The following CTNNA2 variants were observed in gnomAD, a reference collection of about 807,000 sequenced individuals.
The protein encoded by CTNNA2 is catenin alpha 2, also known as catenin alpha-2.
CTNNA2 carries 42 observed loss-of-function variants against 101.0 expected under a neutral mutation model. That is an observed-to-expected ratio of 0.42 (90% CI 0.32 to 0.54). The LOEUF (loss-of-function observed/expected upper bound fraction) is 0.54, where lower values mean the gene tolerates loss of function less well. Ranked by LOEUF, CTNNA2 falls within the 20% of genes least tolerant of loss-of-function variation. The probability of loss-of-function intolerance (pLI) is 0.14; values close to 1 mark genes in which losing one functional copy is unlikely to be tolerated. For synonymous variants in CTNNA2, 450 were observed against 456.4 expected (o/e 0.99, Z 0.18); for missense variants, 871 against 1,223.1 (o/e 0.71, Z 4.29).
intron 11 of CTNNA2, among the ~76,000 whole-genome samples, chr2:80,549,558 T>C (rs1044048681): frequency 2.6e-5 from 4 of 152,190 alleles, no homozygotes; most frequent in African/African-American, 9.7e-5. Context: ...TCATGACATG[T>C]TTAAATACCA....
In CTNNA2 at chr2:79,642,167, A is replaced by G. The variant is rs557750820; in HGVS notation, c.-5-9385A>G. 1.9e-4 allele frequency among the ~76,000 whole-genome samples: 29 copies of G among 152,350 alleles called. 1 individual carries two copies. In the South Asian group the frequency reaches 4.8e-3, roughly 25 times the overall value. ...ATGCTTTGACATTGAGTATTATTACAGTAATATTTTCAAATTATTACAATG... is the reference window on the plus strand; with the variant it reads ...ATGCTTTGACATTGAGTATTATTACGGTAATATTTTCAAATTATTACAATG... On this transcript the variant is annotated intron_variant, in intron 1 of 18. Coordinates refer to ENST00000402739, the MANE Select transcript of CTNNA2 (RefSeq NM_001282597.3).
intron 2 of CTNNA2, among the ~76,000 whole-genome samples, chr2:79,238,089 T>C (rs1674579733): frequency 6.6e-6 from 1 of 152,238 alleles, no homozygotes; most frequent in Non-Finnish European, 1.5e-5. Flanking sequence ...CTCACTATGC[T>C]TAATCATTTT....
chr2:80,147,313 G>A, intron 7 of CTNNA2, among the ~76,000 whole-genome samples: 1 of 152,028 alleles, frequency 6.6e-6, no homozygotes. Context: ...TGTTAGCCAG[G>A]CTGGTTTTGA....
chr2:79,489,774 C>T (rs1671191817), intron 4 of CTNNA2, among the ~76,000 whole-genome samples: 1 of 152,110 alleles, frequency 6.6e-6, no homozygotes, highest in Non-Finnish European at 1.5e-5. Context: ...TAGTATAACG[C>T]AATTTCTCAA....
chr2:79,542,099 C>T (rs1287221501), intron 1 of CTNNA2, among the ~76,000 whole-genome samples: 1 of 151,792 alleles, frequency 6.6e-6, no homozygotes, highest in East Asian at 1.9e-4. Flanking sequence ...TGAAATGTGC[C>T]GAACCTTTTA....
chr2:80,510,833 G>C (rs941759295), intron 9 of CTNNA2, among the ~76,000 whole-genome samples: 1 of 152,122 alleles, frequency 6.6e-6, no homozygotes. Context: ...AAATGGTCAC[G>C]TGTGTCCTCT....
At chr2:80,367,191 C>T (rs1173751353) in intron 7 of CTNNA2, among the ~76,000 whole-genome samples, 6 of 151,974 alleles carry the variant, frequency 3.9e-5, no homozygotes, top group Non-Finnish European at 8.8e-5. Context: ...TTTCACATTG[C>T]GTAGAAAAAC....
chr2:79,203,515 A>C (rs999784718), intron 2 of CTNNA2, among the ~76,000 whole-genome samples: 1 of 152,236 alleles, frequency 6.6e-6, no homozygotes, highest in African/African-American at 2.4e-5. Flanking sequence ...CACAGTTTGC[A>C]TATCCATCAG....
chr2:79,936,082 C>T (rs1008904641), intron 7 of CTNNA2, among the ~76,000 whole-genome samples: 1 of 152,090 alleles, frequency 6.6e-6, no homozygotes, highest in African/African-American at 2.4e-5. Context: ...TCTAATAAGA[C>T]ATCAGAGTCA....
At chr2:79,424,921 T>A (rs1678577560) in intron 4 of CTNNA2, among the ~76,000 whole-genome samples, 1 of 152,150 alleles carries the variant, frequency 6.6e-6, no homozygotes, top group African/African-American at 2.4e-5. Context: ...TTGGTCAGCT[T>A]TAGTGAAATG....
chr2:79,763,873 T>C (rs2105100454), intron 3 of CTNNA2, among the ~76,000 whole-genome samples: 1 of 152,354 alleles, frequency 6.6e-6, no homozygotes, highest in East Asian at 1.9e-4. Flanking sequence ...TTCTGTGCTG[T>C]TTAATACGAA....
chr2:80,256,215 C>T (rs962063069), intron 7 of CTNNA2, among the ~76,000 whole-genome samples: 1 of 152,034 alleles, frequency 6.6e-6, no homozygotes, highest in African/African-American at 2.4e-5. Context: ...CTCAGCCATA[C>T]CATGTGAATT....
At chr2:79,320,985 A>G (rs944031848) in intron 3 of CTNNA2, among the ~76,000 whole-genome samples, 2 of 152,194 alleles carry the variant, frequency 1.3e-5, no homozygotes, top group Non-Finnish European at 2.9e-5. Flanking sequence ...ACTGATTCTA[A>G]AAGTATCCTA....
intron 1 of CTNNA2, among the ~76,000 whole-genome samples, chr2:79,638,390 G>A (rs1160322697): frequency 6.6e-6 from 1 of 152,146 alleles, no homozygotes; most frequent in Non-Finnish European, 1.5e-5. Context: ...ATGATTTTCT[G>A]TATCAAAAGC....
chr2:79,229,318 G>A (rs1674460837), intron 2 of CTNNA2, among the ~76,000 whole-genome samples: 1 of 152,130 alleles, frequency 6.6e-6, no homozygotes, highest in East Asian at 1.9e-4. Flanking sequence ...GTTGTGGGAG[G>A]GACCCAGTGG....
At chr2:80,485,625 G>T (rs1032934190) in intron 9 of CTNNA2, among the ~76,000 whole-genome samples, 1 of 152,108 alleles carries the variant, frequency 6.6e-6, no homozygotes, top group African/African-American at 2.4e-5. Context: ...TGGAAGCAAG[G>T]TTTTAACCTT....
chr2:79,499,849 A>G lies in CTNNA2; in HGVS notation c.-134-5205A>G, dbSNP rs144721510. Among the ~76,000 whole-genome samples, 189 of 152,336 alleles carry G rather than the reference A, an allele frequency of 1.2e-3. 3 individuals carry two copies. In the South Asian group the frequency reaches 0.03, roughly 25 times the overall value. On this transcript the variant is annotated intron_variant, in intron 4 of 21. Coordinates refer to the CTNNA2 transcript ENST00000466387. Reference sequence around the variant, plus strand: ...AATATGATTTGTGTGTATATATAGAAAAAGATTTATTGTAAGTAATTGACT... The same window carrying G: ...AATATGATTTGTGTGTATATATAGAGAAAGATTTATTGTAAGTAATTGACT...
At chr2:80,582,677 G>A (rs1288595836) in intron 14 of CTNNA2, among the ~76,000 whole-genome samples, 1 of 152,212 alleles carries the variant, frequency 6.6e-6, no homozygotes, top group Middle Eastern at 3.4e-3. Flanking sequence ...AGTTTCCAAA[G>A]AGTAAAAACA....
At chr2:80,323,386 C>T (rs897482198) in intron 7 of CTNNA2, among the ~76,000 whole-genome samples, 5 of 151,950 alleles carry the variant, frequency 3.3e-5, no homozygotes, top group African/African-American at 1.2e-4. Flanking sequence ...TCATTTCTAG[C>T]TTTTCCTCTT....
Sources: gnomAD v4.1 joint callset for allele counts (sites outside exome capture counted in the v4.1 genomes callset) on GRCh38, gnomAD v4.1.1 for gene constraint, MANE v1.5 for transcripts, NCBI Gene and HGNC (gene_info 2026-07-23, HGNC 2026-07-21) for gene names.